The following RECK variants were observed in gnomAD, a reference collection of about 807,000 sequenced individuals.
RECK encodes reversion-inducing cysteine-rich protein with Kazal motifs.
Under a neutral mutation model 115.1 loss-of-function variants are expected in RECK, and 69 were observed. The ratio of observed to expected loss-of-function variants is 0.60; its 90% CI spans 0.49 to 0.73. The LOEUF (loss-of-function observed/expected upper bound fraction) is 0.73. Ranked by LOEUF, RECK falls within the 30% of genes least tolerant of loss-of-function variation. RECK has a pLI of 0.00. For synonymous variants in RECK, 414 were observed against 419.7 expected, an observed-to-expected ratio of 0.99 and a Z score of 0.17; for missense variants, 1,047 against 1,203.7, an observed-to-expected ratio of 0.87 and a Z score of 1.93.
intron 1 of RECK, among the ~76,000 whole-genome samples, chr9:36,048,992 A>G (rs1821181282): frequency 6.6e-6 from 1 of 152,178 alleles, no homozygotes; most frequent in Non-Finnish European, 1.5e-5. Context: ...CTCAGGTTCA[A>G]TAATTTGCTA....
Position 36,118,781 on chromosome 9 carries a change from G to C in RECK, c.2278G>C (p.Val760Leu). The C allele has an allele frequency of 6.2e-7, 1 of 1,614,092 alleles. No individual in the cohort carries two copies. The highest frequency in any genetic ancestry group is 8.5e-7 in the Non-Finnish European group (1 of 1,180,016). Residue 760 changes from valine to leucine, a missense_variant, in exon 18 of 21, where the codon GTA becomes CTA. By Grantham distance (32) the Val-to-Leu change is conservative. Coordinates refer to ENST00000377966, the MANE Select transcript of RECK (RefSeq NM_021111.3). ...CQPFCRATEP[V>L]CGHNGETYSS... ...GCCCTTTTGCAGAGCAACCGAGCCC[G>C]TATGTGGGCACAATGGTGAGACCTA...
At chr9:36,110,625 C>T (rs1234813911) in intron 15 of RECK, among the ~76,000 whole-genome samples, 1 of 152,158 alleles carries the variant, frequency 6.6e-6, no homozygotes, top group Non-Finnish European at 1.5e-5. Flanking sequence ...GCTATTATTG[C>T]CAATAGCAAC....
rs542843263 is a variant in RECK, at chr9:36,100,389, A to C, written c.1144A>C (p.Met382Leu). Residue 382 changes from methionine to leucine, a missense_variant, in exon 11 of 21, where the codon ATG (methionine) becomes CTG (leucine). Transcript: ENST00000377966. ...AQSDQGAMNDMKLWEKGSIKM... is the reference protein window; with the variant it reads ...AQSDQGAMNDLKLWEKGSIKM... ...GTCAGATCAAGGAGCCATGAATGAC[A>C]TGAAGTTGTGGGAGAAAGGAAGCAT... 1 of 1,614,212 alleles carries C rather than the reference A, an allele frequency of 6.2e-7. No homozygotes were observed. Among genetic ancestry groups the C allele is most frequent in the South Asian group, 1.1e-5 (1 of 91,082 alleles).
At chr9:36,045,088 A>G (rs191876595) in intron 1 of RECK, among the ~76,000 whole-genome samples, 2 of 152,344 alleles carry the variant, frequency 1.3e-5, no homozygotes, top group Admixed American at 6.5e-5. Context: ...AAAACAAAAT[A>G]TGTATCTATC....
chr9:36,049,128 C>A (rs1821185438), intron 1 of RECK, among the ~76,000 whole-genome samples: 1 of 152,138 alleles, frequency 6.6e-6, no homozygotes, highest in South Asian at 2.1e-4. Context: ...GAATGCAGAG[C>A]TTCTATGTCC....
At chr9:36,043,155 G>T (rs1404791600) in intron 1 of RECK, among the ~76,000 whole-genome samples, 2 of 145,772 alleles carry the variant, frequency 1.4e-5, no homozygotes, top group East Asian at 4.0e-4. Flanking sequence ...CTCCCGAGTA[G>T]CTGGGACTAC....
At chr9:36,120,084 A>G (rs1442034517) in intron 18 of RECK, among the ~76,000 whole-genome samples, 1 of 151,974 alleles carries the variant, frequency 6.6e-6, no homozygotes, top group African/African-American at 2.4e-5. Flanking sequence ...AATACAAAAA[A>G]ATTAGCCGGG....
intron 4 of RECK, among the ~76,000 whole-genome samples, chr9:36,061,233 T>TA (rs139606777): frequency 0.018 from 2,600 of 148,110 alleles, 57 homozygotes; most frequent in East Asian, 0.068. Context: ...GCTAATTTCT[T>TA]AAAAAAAAAA....
chr9:36,051,767 G>A (rs1821312373), intron 1 of RECK, among the ~76,000 whole-genome samples: 1 of 152,012 alleles, frequency 6.6e-6, no homozygotes, highest in Admixed American at 6.6e-5. Context: ...TTCCAAATTT[G>A]GATCTTTAGG....
chr9:36,089,207 G>A (rs1171976504), intron 9 of RECK, among the ~76,000 whole-genome samples: 1 of 152,130 alleles, frequency 6.6e-6, no homozygotes, highest in African/African-American at 2.4e-5. Context: ...TTATGGGAAG[G>A]ATGCTGAGTG....
At chr9:36,045,638 A>G (rs1821046941) in intron 1 of RECK, among the ~76,000 whole-genome samples, 1 of 151,602 alleles carries the variant, frequency 6.6e-6, no homozygotes, top group Admixed American at 6.6e-5. Context: ...CTTTTCATTA[A>G]CCAACTGAAT....
chr9:36,121,470 G>C (rs1056881844), intron 19 of RECK, 63 bp from the exon 20 acceptor site: 4 of 1,501,332 alleles, frequency 2.7e-6, no homozygotes, highest in Non-Finnish European at 3.6e-6. Flanking sequence ...CCCAAAGCAA[G>C]GGAGCTTAGG....
chr9:36,076,654 G>T (rs150318912), intron 6 of RECK, among the ~76,000 whole-genome samples: 1 of 152,098 alleles, frequency 6.6e-6, no homozygotes, highest in Non-Finnish European at 1.5e-5. Flanking sequence ...TTAATCGCGA[G>T]AGTAGGGCAG....
intron 1 of RECK, among the ~76,000 whole-genome samples, chr9:36,044,286 G>C (rs1820993117): frequency 6.6e-6 from 1 of 151,768 alleles, no homozygotes; most frequent in Non-Finnish European, 1.5e-5. Flanking sequence ...AGTGGTCACT[G>C]TTGGTGTATA....
In RECK at chr9:36,121,627, G is replaced by C. The variant is rs761027943; in HGVS notation, c.2633G>C (p.Ser878Thr). The C allele has an allele frequency of 6.2e-7, 1 of 1,614,062 alleles. No homozygotes were observed. Among genetic ancestry groups the C allele is most frequent in the South Asian group, 1.1e-5 (1 of 91,094 alleles). ...CAGTGTGATGTGTTTGGATACTTCAGCATTGAATCAGAAATTGTGATCCTG... is the reference window on the plus strand; with the variant it reads ...CAGTGTGATGTGTTTGGATACTTCACCATTGAATCAGAAATTGTGATCCTG... ...VPQCDVFGYF[S>T]IESEIVILII... The change falls in exon 20 of 21, where the codon AGC becomes ACC. Residue 878 changes from serine (S) to threonine (T), a missense_variant. Coordinates refer to ENST00000377966, the MANE Select transcript of RECK (RefSeq NM_021111.3).
intron 15 of RECK, among the ~76,000 whole-genome samples, chr9:36,110,480 A>G (rs1467637099): frequency 6.6e-6 from 1 of 152,226 alleles, no homozygotes; most frequent in East Asian, 1.9e-4. Flanking sequence ...TTACTTCTTC[A>G]TCTAGACTCC....
At chr9:36,086,544 A>G (rs2057546) in intron 8 of RECK, among the ~76,000 whole-genome samples, 150,461 of 152,332 alleles carry the variant, frequency 0.99, 74,343 homozygotes, top group Middle Eastern at 1. Flanking sequence ...AAAGAACAAA[A>G]CTTCCACAGC....
intron 16 of RECK, among the ~76,000 whole-genome samples, chr9:36,115,052 T>A (rs1315863633): frequency 2.0e-5 from 3 of 151,906 alleles, no homozygotes; most frequent in African/African-American, 7.2e-5. Flanking sequence ...CGGTGGCTCA[T>A]ACCTGTAATC....
At chr9:36,073,073 A>T (rs987249467) in intron 6 of RECK, among the ~76,000 whole-genome samples, 1 of 151,364 alleles carries the variant, frequency 6.6e-6, no homozygotes, top group Non-Finnish European at 1.5e-5. Flanking sequence ...CCTGAACACT[A>T]TTGGATACAT....
Sources: allele counts gnomAD v4.1 joint callset (sites outside exome capture counted in the v4.1 genomes callset), GRCh38; gene constraint gnomAD v4.1.1; transcripts MANE v1.5; gene names NCBI Gene and HGNC (gene_info 2026-07-23, HGNC 2026-07-21).